The following TMEM114 variants were observed in gnomAD, a reference collection of about 807,000 sequenced individuals.
The protein encoded by TMEM114 is claudin-26.
TMEM114 carries 6 observed loss-of-function variants against 6.2 expected under a neutral mutation model. The observed-to-expected ratio is 0.97, with a 90% CI of 0.53 to 1.91. The LOEUF (loss-of-function observed/expected upper bound fraction) is 1.91. Ranked by LOEUF, TMEM114 falls within the 40% of genes most tolerant of loss-of-function variation. The pLI, the probability that TMEM114 is intolerant of heterozygous loss-of-function variation, is 0.01. For missense variants in TMEM114, 218 were observed against 158.3 expected (o/e 1.38, Z -2.02); for synonymous variants, 104 against 73.0 (o/e 1.42, Z -2.16).
Position 8,569,830 on chromosome 16 carries a change from G to C in TMEM114, c.615C>G (p.Ala205=). Residue 205 remains alanine, a synonymous_variant, in exon 4 of 4, where the codon GCC becomes GCG. Coordinates refer to ENST00000620492, the MANE Select transcript of TMEM114 (RefSeq NM_001146336.2). ...TGAGCTCGCGGGCTGCTGCCAGGAA[G>C]GCTGCCCCGGTGAGCAGCTCGGCGA... The part of the protein sequence containing the change: ...SFIAELLTGA[A]FLAAARELSL... 1 of 1,551,020 alleles carries C rather than the reference G, an allele frequency of 6.4e-7. No individual in the cohort carries two copies. Among genetic ancestry groups the C allele is most frequent in the African/African-American group, 1.4e-5 (1 of 73,170 alleles).
rs185779209 is a variant in TMEM114, at chr16:8,573,640, A to G, written c.302-1416T>C. On this transcript the variant is annotated intron_variant, in intron 2 of 3. Coordinates refer to ENST00000620492, the MANE Select transcript of TMEM114 (RefSeq NM_001146336.2). ...GTTGTTTACTATGAGCTGGGTGCCA[A>G]GCATCTTTAAATCCTTTTGGCAATA... Among the ~76,000 whole-genome samples, 69 of 152,282 alleles carry G rather than the reference A, an allele frequency of 4.5e-4. 1 individual carries two copies. The highest frequency in any genetic ancestry group is 1.5e-3 in the South Asian group (7 of 4,822).
At chr16:8,536,089 G>C (rs1900349368), downstream of TMEM114, among the ~76,000 whole-genome samples, 1 of 152,062 alleles carries the variant, frequency 6.6e-6, no homozygotes, top group African/African-American at 2.4e-5. Context: ...GCTGGGTGTG[G>C]TGACGTGCAC....
chr16:8,528,246 GCACA>G, the TMEM114 span, among the ~76,000 whole-genome samples: 1 of 32,924 alleles, frequency 3.0e-5, no homozygotes, highest in Non-Finnish European at 7.0e-5. Context: ...CCCAAAATGC[GCACA>G]CACACACACA....
intron 2 of TMEM114, among the ~76,000 whole-genome samples, chr16:8,557,280 G>A (rs745486353): frequency 2.0e-5 from 3 of 152,092 alleles, no homozygotes; most frequent in Non-Finnish European, 4.4e-5. Flanking sequence ...TTGCCCATGG[G>A]AGCACTAGCC....
intron 2 of TMEM114, among the ~76,000 whole-genome samples, chr16:8,580,077 G>C (rs1183384248): frequency 6.6e-6 from 1 of 152,132 alleles, no homozygotes; most frequent in Admixed American, 6.6e-5. Flanking sequence ...CTTGCAGCTG[G>C]AGAGGTGAGC....
downstream of TMEM114, among the ~76,000 whole-genome samples, chr16:8,533,073 A>G (rs1900262373): frequency 2.0e-5 from 3 of 152,238 alleles, no homozygotes; most frequent in Non-Finnish European, 4.4e-5. Flanking sequence ...GTAGGGTAGT[A>G]AAAGTCCAAA....
chr16:8,538,805 C>T (rs1362114188), intron 2 of TMEM114, among the ~76,000 whole-genome samples: 3 of 152,096 alleles, frequency 2.0e-5, no homozygotes, highest in African/African-American at 7.2e-5. Context: ...CGCGCCCGCC[C>T]GGCCGTGCTG....
chr16:8,535,217 C>T (rs576609015), downstream of TMEM114, among the ~76,000 whole-genome samples: 1 of 150,650 alleles, frequency 6.6e-6, no homozygotes, highest in Non-Finnish European at 1.5e-5. Context: ...GTCATAGATA[C>T]TAAGGCACTA....
At chr16:8,570,487 G>A (rs527496509) in intron 3 of TMEM114, among the ~76,000 whole-genome samples, 1 of 152,052 alleles carries the variant, frequency 6.6e-6, no homozygotes, top group Non-Finnish European at 1.5e-5. Flanking sequence ...GCCCGCCACC[G>A]CGCCCGGCTA....
chr16:8,564,170 TA>T lies in TMEM114; in HGVS notation n.212+25042del, dbSNP rs1297872380. On this transcript the variant is annotated intron_variant and non_coding_transcript_variant, in intron 2 of 2. Transcript: ENST00000623677. ...GTGAATGAGTTAGTGAATGAGTGAGTAAATGAGTGAGTGAGTGCATGAATGA... is the reference window on the plus strand; with the variant it reads ...GTGAATGAGTTAGTGAATGAGTGAGTAATGAGTGAGTGAGTGCATGAATGA... Among the ~76,000 whole-genome samples the T allele has an allele frequency of 4.7e-5, 7 of 150,388 alleles. No individual in the cohort carries two copies. In the South Asian group the frequency reaches 6.3e-4, roughly 14 times the overall value.
chr16:8,538,559 G>C (rs1008026050), intron 2 of TMEM114, among the ~76,000 whole-genome samples: 1 of 151,992 alleles, frequency 6.6e-6, no homozygotes, highest in Non-Finnish European at 1.5e-5. Context: ...CCAGGCTGGA[G>C]TGCAGTGGTG....
chr16:8,540,908 C>G (rs1253476425), intron 2 of TMEM114, among the ~76,000 whole-genome samples: 1 of 152,168 alleles, frequency 6.6e-6, no homozygotes, highest in Non-Finnish European at 1.5e-5. Context: ...AAAGTTTGAG[C>G]TGAGATGGAA....
At chr16:8,557,802 C>T (rs1169178616) in intron 2 of TMEM114, among the ~76,000 whole-genome samples, 3 of 152,324 alleles carry the variant, frequency 2.0e-5, no homozygotes, top group African/African-American at 7.2e-5. Flanking sequence ...CCATCATCAT[C>T]TGGTAACGTG....
chr16:8,536,753 A>T (rs73503696), downstream of TMEM114, among the ~76,000 whole-genome samples: 1 of 151,256 alleles, frequency 6.6e-6, no homozygotes, highest in Non-Finnish European at 1.5e-5. Context: ...AAAGGGGAGG[A>T]CTCCCAGTTG....
chr16:8,567,131 A>C (rs1168119860), downstream of TMEM114, among the ~76,000 whole-genome samples: 17 of 149,006 alleles, frequency 1.1e-4, no homozygotes, highest in African/African-American at 3.5e-4. Flanking sequence ...CTAGTTTCGA[A>C]CTCCTGACCT....
intron 2 of TMEM114, among the ~76,000 whole-genome samples, chr16:8,577,959 C>G (rs1343275827): frequency 6.6e-6 from 1 of 152,190 alleles, no homozygotes; most frequent in African/African-American, 2.4e-5. Context: ...CAGTGAGGGC[C>G]AAGCCCTGTC....
intron 2 of TMEM114, among the ~76,000 whole-genome samples, chr16:8,556,947 C>A (rs1349004664): frequency 6.6e-6 from 1 of 152,208 alleles, no homozygotes; most frequent in African/African-American, 2.4e-5. Flanking sequence ...AGCCTCTGTT[C>A]TTGCTAAGGA....
At chr16:8,588,346 C>G (rs1283610499) in intron 2 of TMEM114, among the ~76,000 whole-genome samples, 1 of 151,984 alleles carries the variant, frequency 6.6e-6, no homozygotes, top group East Asian at 1.9e-4. Context: ...TCTTCATTTC[C>G]TCATCAGATC....
chr16:8,535,140 C>A (rs1310711218), downstream of TMEM114, among the ~76,000 whole-genome samples: 1 of 152,056 alleles, frequency 6.6e-6, no homozygotes, highest in East Asian at 1.9e-4. Flanking sequence ...TCTGTGTCCC[C>A]CATCAATAAA....
Sources: gnomAD v4.1 joint callset for allele counts (sites outside exome capture counted in the v4.1 genomes callset) on GRCh38, gnomAD v4.1.1 for gene constraint, MANE v1.5 for transcripts, NCBI Gene and HGNC (gene_info 2026-07-23, HGNC 2026-07-21) for gene names.